TAF12: variants seen among roughly 807,000 people sequenced by gnomAD.
The protein encoded by TAF12 is TATA-box binding protein associated factor 12.
TAF12 carries 3 observed loss-of-function variants against 20.8 expected under a neutral mutation model. That is an observed-to-expected ratio of 0.14 (90% CI 0.07 to 0.37). The LOEUF is 0.37. TAF12 is among the 10% of genes least tolerant of loss of function. The pLI, the probability that TAF12 is intolerant of heterozygous loss-of-function variation, is 1.00. For missense variants in TAF12, 131 were observed against 197.9 expected (o/e 0.66, Z 2.03); for synonymous variants, 69 against 70.2 (o/e 0.98, Z 0.09).
intron 1 of TAF12, among the ~76,000 whole-genome samples, chr1:28,635,331 T>C (rs1259535411): frequency 1.9e-5 from 2 of 105,652 alleles, no homozygotes; most frequent in Non-Finnish European, 3.8e-5. Flanking sequence ...TCGCCCAGGC[T>C]ACAGTGCAGT....
rs759182275 is a variant in TAF12, at chr1:28,603,550, T to C, written c.475A>G (p.Thr159Ala). The change falls in exon 6 of 6, where the codon ACC (threonine) becomes GCC (alanine). Residue 159 changes from threonine (T) to alanine (A), a missense_variant. Physicochemically the swap from Thr to Ala is moderately conservative, Grantham distance 58 (BLOSUM62 0). Transcript: ENST00000373824. ...GACCTTTCCGTGTGTTATTTCTTGG[T>C]TGTTTTCCGGATCAATGCCATTCTC... ...KQRMALIRKT[T>A]KK 1.2e-6 allele frequency: 2 copies of C among 1,613,676 alleles called. No individual in the cohort carries two copies. Among genetic ancestry groups the C allele is most frequent in the African/African-American group, 2.7e-5 (2 of 74,926 alleles).
chr1:28,641,612 A>C (rs1008050240), intron 1 of TAF12, among the ~76,000 whole-genome samples: 2 of 152,026 alleles, frequency 1.3e-5, no homozygotes, highest in African/African-American at 4.8e-5. Context: ...TGGGCAATAT[A>C]GTGAGACCCT....
chr1:28,616,239 A>G (rs1172315762), intron 3 of TAF12, among the ~76,000 whole-genome samples: 2 of 151,496 alleles, frequency 1.3e-5, no homozygotes, highest in Non-Finnish European at 2.9e-5. Context: ...ACTACTAAAA[A>G]TACGAAATTA....
chr1:28,630,330 G>T (rs1022820137), intron 1 of TAF12, among the ~76,000 whole-genome samples: 2 of 152,150 alleles, frequency 1.3e-5, no homozygotes, highest in African/African-American at 4.8e-5. Context: ...GCCGAGGCGG[G>T]CAGATCATGA....
At chr1:28,608,898 A>ATG (rs1455928638) in intron 4 of TAF12, among the ~76,000 whole-genome samples, 1 of 151,300 alleles carries the variant, frequency 6.6e-6, no homozygotes, top group East Asian at 2.0e-4. Context: ...CCGAGGTCAC[A>ATG]CCCTTGCATT....
intron 1 of TAF12, chr1:28,648,146 G>C (rs1668247136): frequency 2.0e-6 from 2 of 985,202 alleles, no homozygotes; most frequent in African/African-American, 3.5e-5. Context: ...GGTGGCACAA[G>C]TTACACATTT....
At chr1:28,609,390 A>G (rs1486119905) in intron 4 of TAF12, among the ~76,000 whole-genome samples, 3 of 150,758 alleles carry the variant, frequency 2.0e-5, no homozygotes, top group African/African-American at 7.3e-5. Context: ...TAATCTTAAT[A>G]TAATAGCAAC....
chr1:28,631,469 G>A (rs560317119), intron 1 of TAF12, among the ~76,000 whole-genome samples: 35 of 151,954 alleles, frequency 2.3e-4, no homozygotes, highest in Middle Eastern at 3.4e-3. Flanking sequence ...AGGTTACAGT[G>A]AGCTGAGATT....
chr1:28,634,146 T>G (rs1245490161), intron 1 of TAF12, among the ~76,000 whole-genome samples: 1 of 151,724 alleles, frequency 6.6e-6, no homozygotes. Context: ...CCGGGCACAG[T>G]GGCTCACGCC....
At chr1:28,645,708 C>T (rs927143994), upstream of TAF12, among the ~76,000 whole-genome samples, 16 of 151,970 alleles carry the variant, frequency 1.1e-4, no homozygotes, top group African/African-American at 2.7e-4. Flanking sequence ...CTGTGGCTCA[C>T]GCCTGTAATC....
intron 2 of TAF12, among the ~76,000 whole-genome samples, chr1:28,620,331 A>G (rs776315303): frequency 5.9e-5 from 9 of 151,716 alleles, no homozygotes; most frequent in Non-Finnish European, 1.3e-4. Flanking sequence ...ATGGGGTTTC[A>G]GCATATTGGC....
At chr1:28,607,446 G>A (rs895592081) in intron 4 of TAF12, among the ~76,000 whole-genome samples, 3 of 152,120 alleles carry the variant, frequency 2.0e-5, no homozygotes, top group Non-Finnish European at 2.9e-5. Flanking sequence ...CAAAGTGGGC[G>A]GATCACCTGA....
In TAF12 at chr1:28,602,984, G is replaced by A. The variant is rs1259904445; in HGVS notation, c.*555C>T. 6.6e-6 allele frequency: 1 copy of A among 152,158 alleles called. No homozygotes were observed. The highest frequency in any genetic ancestry group is 2.4e-5 in the African/African-American group (1 of 41,348). 9.4% of individuals were successfully genotyped at this position (152,158 alleles called of 1,614,324 possible). A position where few individuals can be genotyped will look rare whatever the true frequency, so the allele number is the denominator to read the frequency against. On this transcript the variant is annotated 3_prime_UTR_variant, in exon 6 of 6. Coordinates refer to ENST00000373824, the MANE Select transcript of TAF12 (RefSeq NM_005644.4). ...TGGGGTAAAATGATGGAAAATCCCT[G>A]AGTTTTTCTCAAACACCAAAATGAA... is the stretch of plus-strand genomic sequence containing the variant.
upstream of TAF12, among the ~76,000 whole-genome samples, chr1:28,646,823 C>T (rs569997741): frequency 2.6e-5 from 4 of 151,970 alleles, no homozygotes; most frequent in South Asian, 2.1e-4. Flanking sequence ...CTCAGCCTCC[C>T]GAGTAGCTGG....
intron 4 of TAF12, among the ~76,000 whole-genome samples, chr1:28,606,599 G>T (rs943964898): frequency 2.0e-5 from 3 of 152,118 alleles, no homozygotes; most frequent in African/African-American, 7.2e-5. Flanking sequence ...CAAGCTTCTT[G>T]CAAAGAAAAA....
intron 1 of TAF12, among the ~76,000 whole-genome samples, chr1:28,640,114 AT>A (rs1667985202): frequency 6.6e-6 from 1 of 152,208 alleles, no homozygotes; most frequent in Admixed American, 6.6e-5. Context: ...AAGTGCTGGG[AT>A]TACAGGTGTG....
At chr1:28,642,405 G>A (rs1267134255) in intron 1 of TAF12, among the ~76,000 whole-genome samples, 2 of 152,056 alleles carry the variant, frequency 1.3e-5, no homozygotes, top group African/African-American at 2.4e-5. Context: ...GCTTTTAGGA[G>A]CTTGGGTACT....
At chr1:28,616,095 C>A (rs997342219) in intron 3 of TAF12, among the ~76,000 whole-genome samples, 1 of 152,124 alleles carries the variant, frequency 6.6e-6, no homozygotes, top group Non-Finnish European at 1.5e-5. Context: ...GTGAGTGATT[C>A]TTTAAGAATG....
At chr1:28,607,659 G>A (rs1362132762) in intron 4 of TAF12, among the ~76,000 whole-genome samples, 3 of 151,928 alleles carry the variant, frequency 2.0e-5, no homozygotes. Flanking sequence ...GTGACAGAGC[G>A]AGACTCCATC....
Sources: gnomAD v4.1 joint callset for allele counts (sites outside exome capture counted in the v4.1 genomes callset) on GRCh38, gnomAD v4.1.1 for gene constraint, MANE v1.5 for transcripts, NCBI Gene and HGNC (gene_info 2026-07-23, HGNC 2026-07-21) for gene names.